WDPCP: variants seen among roughly 807,000 people sequenced by gnomAD.
The protein encoded by WDPCP is WD repeat containing planar cell polarity effector.
A neutral mutation model predicts 93.1 loss-of-function variants in WDPCP; 71 were observed. The observed-to-expected ratio is 0.76, with a 90% CI of 0.63 to 0.93. The LOEUF (loss-of-function observed/expected upper bound fraction) is 0.93. WDPCP is among the 40% of genes least tolerant of loss of function. The pLI, the probability that WDPCP is intolerant of heterozygous loss-of-function variation, is 0.00. For synonymous variants in WDPCP, 315 were observed against 315.0 expected (o/e 1.00, Z 0.00); for missense variants, 844 against 887.4 (o/e 0.95, Z 0.62).
chr2:63,745,381 A>C (rs185280912), intron 2 of WDPCP, among the ~76,000 whole-genome samples: 21 of 152,340 alleles, frequency 1.4e-4, no homozygotes, highest in African/African-American at 3.8e-4. Flanking sequence ...GATCGTATCA[A>C]CTGGCAATGC....
chr2:63,281,568 G>A (rs4671468), intron 13 of WDPCP, among the ~76,000 whole-genome samples: 120,600 of 152,188 alleles, frequency 0.79, 48,300 homozygotes, highest in East Asian at 0.96. Flanking sequence ...GCAAAAATAT[G>A]GAACCAGTCC....
At chr2:63,714,666 A>G (rs1383942909) in intron 2 of WDPCP, among the ~76,000 whole-genome samples, 1 of 152,050 alleles carries the variant, frequency 6.6e-6, no homozygotes, top group Non-Finnish European at 1.5e-5. Flanking sequence ...TGTCTCTACT[A>G]AAAATACAAA....
intron 14 of WDPCP, among the ~76,000 whole-genome samples, chr2:63,231,547 G>A (rs1020006292): frequency 3.9e-5 from 6 of 152,038 alleles, no homozygotes; most frequent in African/African-American, 1.2e-4. Context: ...CAGACAAGCC[G>A]AGAGCCAAAT....
chr2:63,636,587 C>T (rs1709922577), intron 3 of WDPCP, among the ~76,000 whole-genome samples: 1 of 152,150 alleles, frequency 6.6e-6, no homozygotes, highest in African/African-American at 2.4e-5. Flanking sequence ...AGGTACATAC[C>T]ACATGCCTGG....
intron 2 of WDPCP, among the ~76,000 whole-genome samples, chr2:63,729,920 T>C (rs1044557874): frequency 6.6e-6 from 1 of 152,194 alleles, no homozygotes; most frequent in African/African-American, 2.4e-5. Flanking sequence ...TCATCAAATA[T>C]AGTCCATGCT....
intron 2 of WDPCP, among the ~76,000 whole-genome samples, chr2:63,797,430 C>T (rs1197072330): frequency 3.3e-5 from 5 of 152,000 alleles, no homozygotes; most frequent in African/African-American, 1.2e-4. Context: ...CATTTCTGGA[C>T]ATACCCCAGG....
chr2:63,795,539 G>C (rs1378308743), intron 2 of WDPCP, among the ~76,000 whole-genome samples: 1 of 135,694 alleles, frequency 7.4e-6, no homozygotes, highest in Non-Finnish European at 1.6e-5. Flanking sequence ...AAGAGAAAGA[G>C]AAAGAGAGAG....
rs1575613881 is a variant in WDPCP at position 63,543,657 on chromosome 2, CTT to C, written c.75+44538_75+44539del. Among the ~76,000 whole-genome samples, 5 of 151,776 alleles carry C rather than the reference CTT, an allele frequency of 3.3e-5. No individual in the cohort carries two copies. The South Asian group carries it at 1.0e-3, about 32-fold the overall frequency. ...AGCTGATTCTTTAATAATTTAATGA[CTT>C]GAATATACATAGGAATGCAAGGGTT... On this transcript the variant is annotated intron_variant, in intron 1 of 17. Transcript: ENST00000272321.
At chr2:63,505,637 T>C (rs1701823365) in intron 1 of WDPCP, among the ~76,000 whole-genome samples, 1 of 152,102 alleles carries the variant, frequency 6.6e-6, no homozygotes, top group African/African-American at 2.4e-5. Context: ...TTGTGGCAAA[T>C]AACTGTTCAA....
chr2:63,700,300 A>AAAAAAAAAAG (rs1669028056), intron 2 of WDPCP, among the ~76,000 whole-genome samples: 2 of 102,598 alleles, frequency 1.9e-5, no homozygotes, highest in Non-Finnish European at 4.8e-5. Flanking sequence ...AAAAAAAAAA[A>AAAAAAAAAAG]AAACAAAAAG....
Position 63,806,600 on chromosome 2 carries a change from A to C in WDPCP, n.308+7022T>G, listed in dbSNP as rs796193366. On this transcript the variant is annotated intron_variant and non_coding_transcript_variant, in intron 2 of 4. Coordinates refer to the WDPCP transcript ENST00000467687. ...ATTTCCTCTTCCTAATAAGCCTGGG[A>C]GCGCTATGGGAGACGAGTCTATCTG... is the stretch of plus-strand genomic sequence containing the variant. 1.2e-4 allele frequency among the ~76,000 whole-genome samples: 18 copies of C among 152,282 alleles called. 1 individual carries two copies. The highest frequency in any genetic ancestry group is 4.3e-4 in the African/African-American group (18 of 41,556).
At chr2:63,187,007 T>C (rs1674694369) in intron 14 of WDPCP, among the ~76,000 whole-genome samples, 1 of 152,206 alleles carries the variant, frequency 6.6e-6, no homozygotes, top group South Asian at 2.1e-4. Context: ...ATCCCTTCAA[T>C]TCTGTCAATG....
intron 13 of WDPCP, among the ~76,000 whole-genome samples, chr2:63,286,130 C>T (rs996416832): frequency 6.6e-6 from 1 of 152,050 alleles, no homozygotes; most frequent in African/African-American, 2.4e-5. Context: ...CTCAGCCACC[C>T]AAGTAGCTAG....
At chr2:63,722,158 G>A (rs1438860792) in intron 2 of WDPCP, among the ~76,000 whole-genome samples, 3 of 151,754 alleles carry the variant, frequency 2.0e-5, no homozygotes, top group Admixed American at 6.6e-5. Flanking sequence ...CACCCCGTCT[G>A]GGAAGTGAGG....
At chr2:63,145,385 G>A (rs1671417286) in intron 17 of WDPCP, among the ~76,000 whole-genome samples, 1 of 151,864 alleles carries the variant, frequency 6.6e-6, no homozygotes, top group African/African-American at 2.4e-5. Flanking sequence ...GTGGGGGTGG[G>A]GCTAGGCATG....
At chr2:63,278,531 C>T (rs939810762) in intron 13 of WDPCP, among the ~76,000 whole-genome samples, 1 of 152,028 alleles carries the variant, frequency 6.6e-6, no homozygotes, top group African/African-American at 2.4e-5. Context: ...ATTAACCAAG[C>T]AAAGGAGAAC....
At chr2:63,295,156 A>G (rs368685074) in intron 13 of WDPCP, among the ~76,000 whole-genome samples, 2 of 152,276 alleles carry the variant, frequency 1.3e-5, no homozygotes, top group African/African-American at 4.8e-5. Context: ...TATAGAATAT[A>G]CACAAATGAA....
At chr2:63,700,290 AAAAAAAAAAAAAAC>A (rs1669027220) in intron 2 of WDPCP, among the ~76,000 whole-genome samples, 2 of 132,930 alleles carry the variant, frequency 1.5e-5, no homozygotes, top group Non-Finnish European at 3.3e-5. Flanking sequence ...CTCAAAAAAA[AAAAAAAAAAAAAAC>A]AAAAAGAAAA....
At chr2:63,462,395 T>C (rs989309752) in intron 6 of WDPCP, among the ~76,000 whole-genome samples, 1 of 152,180 alleles carries the variant, frequency 6.6e-6, no homozygotes, top group Non-Finnish European at 1.5e-5. Flanking sequence ...ATATACCTAA[T>C]GTAAATGATG....
Sources: gnomAD v4.1 joint callset for allele counts (sites outside exome capture counted in the v4.1 genomes callset) on GRCh38, gnomAD v4.1.1 for gene constraint, MANE v1.5 for transcripts, NCBI Gene and HGNC (gene_info 2026-07-23, HGNC 2026-07-21) for gene names.